Variants in TRAPPC8 observed in about 807,000 individuals in gnomAD.
TRAPPC8 encodes trafficking protein particle complex subunit 8, also known as general sporulation gene 1 homolog.
TRAPPC8 carries 54 observed loss-of-function variants against 174.3 expected under a neutral mutation model. The observed-to-expected ratio is 0.31, with a 90% CI of 0.25 to 0.39. TRAPPC8 has a LOEUF of 0.39. Ranked by LOEUF, TRAPPC8 falls within the 10% of genes least tolerant of loss-of-function variation. The pLI, the probability that TRAPPC8 is intolerant of heterozygous loss-of-function variation, is 1.00. For synonymous variants in TRAPPC8, 630 were observed against 579.9 expected (o/e 1.09, Z -1.24); for missense variants, 1,531 against 1,699.1 (o/e 0.90, Z 1.74).
At chr18:31,880,117 ATATATTT>A (rs1334196043) in intron 12 of TRAPPC8, among the ~76,000 whole-genome samples, 16,523 of 106,352 alleles carry the variant, frequency 0.16, 1,326 homozygotes, top group Middle Eastern at 0.19. Flanking sequence ...ATATATATAT[ATATATTT>A]TTTTTTTTTT....
chr18:31,928,763 C>T (rs1048009000), intron 2 of TRAPPC8, among the ~76,000 whole-genome samples: 2 of 152,144 alleles, frequency 1.3e-5, no homozygotes, highest in Non-Finnish European at 2.9e-5. Flanking sequence ...ATGTGTTATT[C>T]ATCTCTGCAT....
At chr18:31,885,148 T>C (rs1169688591) in intron 12 of TRAPPC8, among the ~76,000 whole-genome samples, 1 of 152,102 alleles carries the variant, frequency 6.6e-6, no homozygotes, top group East Asian at 1.9e-4. Context: ...TGAGCCACCG[T>C]ACCCAGCCAA....
chr18:31,870,573 A>T, intron 15 of TRAPPC8, 71 bp from the exon 16 acceptor site: 1 of 1,497,660 alleles, frequency 6.7e-7, no homozygotes, highest in South Asian at 1.3e-5. Flanking sequence ...CGATCTTCTA[A>T]ATGCATCTTG....
At chr18:31,837,509 A>G (rs1350549279) in intron 27 of TRAPPC8, among the ~76,000 whole-genome samples, 1 of 152,174 alleles carries the variant, frequency 6.6e-6, no homozygotes, top group Non-Finnish European at 1.5e-5. Flanking sequence ...CCTGGCCAAC[A>G]TGGTGAAACC....
At chr18:31,836,505 A>C (rs1049692754) in intron 27 of TRAPPC8, among the ~76,000 whole-genome samples, 1 of 152,216 alleles carries the variant, frequency 6.6e-6, no homozygotes, top group Non-Finnish European at 1.5e-5. Context: ...GTTATTCAGA[A>C]AGTACATGAA....
At chr18:31,885,526 T>C (rs1292390692) in intron 12 of TRAPPC8, among the ~76,000 whole-genome samples, 1 of 152,082 alleles carries the variant, frequency 6.6e-6, no homozygotes, top group Non-Finnish European at 1.5e-5. Flanking sequence ...TTGATGGTTA[T>C]GCTATGGTTA....
In TRAPPC8 at chr18:31,882,864, C is replaced by T. The variant is rs373197167; in HGVS notation, c.1728+7871G>A. 4.6e-3 allele frequency among the ~76,000 whole-genome samples: 688 copies of T among 149,686 alleles called. 5 individuals carry two copies. Among genetic ancestry groups the T allele is most frequent in the African/African-American group, 0.016 (659 of 40,862 alleles). On this transcript the variant is annotated intron_variant, in intron 12 of 28. Coordinates refer to ENST00000283351, the MANE Select transcript of TRAPPC8 (RefSeq NM_014939.5). ...ACTCCTGAACTCGTGGTCCACCCAC[C>T]TCAGCCACCCAAAGTACTGGGATTA...
intron 10 of TRAPPC8, among the ~76,000 whole-genome samples, chr18:31,900,052 A>G (rs2036350236): frequency 6.6e-6 from 1 of 152,062 alleles, no homozygotes; most frequent in Non-Finnish European, 1.5e-5. Context: ...AGCCTGGCAA[A>G]CATGGTGAAA....
intron 12 of TRAPPC8, among the ~76,000 whole-genome samples, chr18:31,886,944 GCACTCCAGCCTGGGTGACA>G (rs2035746039): frequency 6.6e-6 from 1 of 152,006 alleles, no homozygotes. Context: ...TTGCACCACT[GCACTCCAGCCTGGGTGACA>G]CACACACACA....
Position 31,937,189 on chromosome 18 carries a change from G to A in TRAPPC8, c.157+5419C>T, listed in dbSNP as rs570366129. Among the ~76,000 whole-genome samples, 9 of 152,286 alleles carry A rather than the reference G, an allele frequency of 5.9e-5. No individual in the cohort carries two copies. In the South Asian group the frequency reaches 8.3e-4, roughly 14 times the overall value. On this transcript the variant is annotated intron_variant, in intron 1 of 28. Transcript: ENST00000283351. Reference sequence around the variant, plus strand: ...AGACGCACCACTGCACTCCAGCCTGGGTGACAGAGCGAGACTCCGTCTCAA... The same window carrying A: ...AGACGCACCACTGCACTCCAGCCTGAGTGACAGAGCGAGACTCCGTCTCAA...
At chr18:31,846,325 G>C (rs1186143845) in intron 26 of TRAPPC8, among the ~76,000 whole-genome samples, 1 of 152,120 alleles carries the variant, frequency 6.6e-6, no homozygotes, top group Non-Finnish European at 1.5e-5. Context: ...TATAATCTCA[G>C]CACTTTGGGA....
At chr18:31,842,038 T>C (rs1283013767) in intron 26 of TRAPPC8, among the ~76,000 whole-genome samples, 1 of 152,152 alleles carries the variant, frequency 6.6e-6, no homozygotes, top group Non-Finnish European at 1.5e-5. Context: ...ACTCAGCTTC[T>C]TTCAGACTTT....
At chr18:31,918,105 G>A (rs1052512656) in intron 2 of TRAPPC8, among the ~76,000 whole-genome samples, 1 of 152,082 alleles carries the variant, frequency 6.6e-6, no homozygotes, top group Non-Finnish European at 1.5e-5. Flanking sequence ...CAGCCTGGGT[G>A]ACAGAATGAG....
At chr18:31,897,680 C>T (rs2145407450) in intron 11 of TRAPPC8, 106 bp downstream of exon 11, 1 of 762,860 alleles carries the variant, frequency 1.3e-6, no homozygotes, top group East Asian at 3.3e-5. Context: ...AGACAGATTT[C>T]CCTGGCTAAT....
At chr18:31,929,108 G>A (rs2037745652) in intron 2 of TRAPPC8, among the ~76,000 whole-genome samples, 1 of 151,964 alleles carries the variant, frequency 6.6e-6, no homozygotes, top group African/African-American at 2.4e-5. Context: ...CTCGAACCCG[G>A]GAGGTGGAGG....
chr18:31,890,979 T>G (rs970816489), intron 11 of TRAPPC8, 113 bp from the exon 12 acceptor site: 6 of 977,996 alleles, frequency 6.1e-6, no homozygotes, highest in Non-Finnish European at 8.4e-6. Flanking sequence ...ATGTTTAACT[T>G]AAGAGTATAT....
intron 13 of TRAPPC8, 102 bp downstream of exon 13, chr18:31,874,378 C>A: frequency 8.0e-7 from 1 of 1,247,370 alleles, no homozygotes; most frequent in Non-Finnish European, 1.1e-6. Flanking sequence ...CTGATAACTA[C>A]ATATATTCTA....
At chr18:31,835,261 G>GT (rs755049353) in intron 27 of TRAPPC8, among the ~76,000 whole-genome samples, 11 of 152,122 alleles carry the variant, frequency 7.2e-5, no homozygotes, top group Non-Finnish European at 1.2e-4. Context: ...TTCATCTGCT[G>GT]TATCGGTCAA....
At position 31,857,936 on chromosome 18, in the gene TRAPPC8, C is replaced by T. The variant is rs780545972; in HGVS notation, c.2792G>A (p.Arg931Gln). The T allele has an allele frequency of 7.4e-6, 12 of 1,613,812 alleles. No individual in the cohort carries two copies. The highest frequency in any genetic ancestry group is 1.3e-5 in the African/African-American group (1 of 75,004). The part of the protein sequence containing the change: ...FPTGLLCGEI[R>Q]KAYVEFVNVS... ...ATTGACAAATTCTACATATGCTTTT[C>T]GGATTTCTCCACAGAGAAGCCCTGT... The change falls in exon 20 of 29, where the codon CGA becomes CAA. Residue 931 changes from arginine (R) to glutamine (Q), a missense_variant. Coordinates refer to ENST00000283351, the MANE Select transcript of TRAPPC8 (RefSeq NM_014939.5).
Sources: gnomAD v4.1 joint callset for allele counts (sites outside exome capture counted in the v4.1 genomes callset) on GRCh38, gnomAD v4.1.1 for gene constraint, MANE v1.5 for transcripts, NCBI Gene and HGNC (gene_info 2026-07-23, HGNC 2026-07-21) for gene names.